The following RRM2 variants were observed in gnomAD, a reference collection of about 807,000 sequenced individuals.
RRM2 encodes the protein ribonucleoside-diphosphate reductase subunit M2.
RRM2 carries 6 observed loss-of-function variants against 45.9 expected under a neutral mutation model. The observed-to-expected ratio is 0.13, with a 90% confidence interval of 0.07 to 0.26. The LOEUF (loss-of-function observed/expected upper bound fraction) is 0.26, where lower values mean the gene tolerates loss of function less well. Among genes scored for constraint, RRM2 ranks in the 10% least tolerant of loss-of-function variants. RRM2 has a pLI of 1.00. For missense variants in RRM2, 343 were observed against 489.5 expected (o/e 0.70, Z 2.82); for synonymous variants, 177 against 173.0 (o/e 1.02, Z -0.18).
downstream of RRM2, among the ~76,000 whole-genome samples, chr2:10,134,256 C>T (rs1489294954): frequency 6.6e-6 from 1 of 151,678 alleles, no homozygotes; most frequent in African/African-American, 2.4e-5. Context: ...AGAAAGTGAC[C>T]ATGGAGGCCC....
At chr2:10,167,479 T>C (rs974704515) in intron 3 of RRM2, among the ~76,000 whole-genome samples, 1 of 152,106 alleles carries the variant, frequency 6.6e-6, no homozygotes, top group Non-Finnish European at 1.5e-5. Context: ...GCGTAGGATG[T>C]GGTAGCTGGT....
At chr2:10,147,618 C>T (rs1015199282) in intron 3 of RRM2, among the ~76,000 whole-genome samples, 2 of 152,222 alleles carry the variant, frequency 1.3e-5, no homozygotes, top group Admixed American at 6.5e-5. Context: ...CTTGGCCTTC[C>T]AAAATGTTGA....
At chr2:10,152,674 A>C (rs1663338687) in intron 3 of RRM2, among the ~76,000 whole-genome samples, 2 of 151,432 alleles carry the variant, frequency 1.3e-5, no homozygotes, top group Non-Finnish European at 2.9e-5. Context: ...GTAGATATGC[A>C]GTTTCACCAT....
intron 3 of RRM2, among the ~76,000 whole-genome samples, chr2:10,146,650 G>A (rs1348246927): frequency 1.1e-5 from 1 of 90,346 alleles, no homozygotes; most frequent in Non-Finnish European, 2.5e-5. Flanking sequence ...GGCCATGCTT[G>A]GAGGGCGCAG....
rs1179508615 is a variant in RRM2, at chr2:10,124,958, A to G, written c.569+108A>G. 7 of 1,019,872 alleles carry G rather than the reference A, an allele frequency of 6.9e-6. No individual in the cohort carries two copies. The African/African-American group carries it at 1.1e-4, about 16-fold the overall frequency. The allele number at this position is 1,019,872 out of a possible 1,614,324, so 63.2% of individuals were successfully genotyped here. A position where few individuals can be genotyped will look rare whatever the true frequency, so the allele number is the denominator to read the frequency against. On this transcript the variant is annotated intron_variant, in intron 5 of 9. Transcript: ENST00000304567. ...AAAATGACTCCAGAATGACTAAGACAGTCATAGGCATTCCCAGCACCCGTG... is the reference window on the plus strand; with the variant it reads ...AAAATGACTCCAGAATGACTAAGACGGTCATAGGCATTCCCAGCACCCGTG...
chr2:10,177,198 A>G (rs1319402135), intron 3 of RRM2, among the ~76,000 whole-genome samples: 1 of 152,162 alleles, frequency 6.6e-6, no homozygotes, highest in Non-Finnish European at 1.5e-5. Context: ...GTGAACCAAG[A>G]TCGCACCATT....
At position 10,204,174 on chromosome 2, in the gene RRM2, T is replaced by C. The variant is rs1438643672; in HGVS notation, n.483-6137T>C. Among the ~76,000 whole-genome samples, 1 of 151,986 alleles carries C rather than the reference T, an allele frequency of 6.6e-6. No homozygotes were observed. The highest frequency in any genetic ancestry group is 1.5e-5 in the Non-Finnish European group (1 of 68,014). The stretch of plus-strand genomic sequence containing the variant: ...CCCTGTGCTTGAGACAAGCAGAAGA[T>C]AGACTTCTTTCACCTGGGGCCTGGC... On this transcript the variant is annotated intron_variant and non_coding_transcript_variant, in intron 3 of 3. Coordinates refer to the RRM2 transcript ENST00000381786. The surrounding 1 kb of genome is among the most constrained non-coding windows in gnomAD (Gnocchi z 4.0).
At chr2:10,208,958 G>C (rs1267729090) in intron 3 of RRM2, among the ~76,000 whole-genome samples, 1 of 151,744 alleles carries the variant, frequency 6.6e-6, no homozygotes. Flanking sequence ...GCTGGATCCT[G>C]CCTGTTCAGA....
chr2:10,157,022 T>TTTC lies in RRM2; in HGVS notation n.482+14649_482+14650insCTT, dbSNP rs1357095439. On this transcript the variant is annotated intron_variant and non_coding_transcript_variant, in intron 3 of 3. Coordinates refer to the RRM2 transcript ENST00000381786. ...TTCTGAGCTCAGCCCATTTCTTTTT[T>TTTC]TTTTTTTTTTTTTTTTTGAGATGGA... 1.3e-4 allele frequency among the ~76,000 whole-genome samples: 17 copies of TTTC among 135,140 alleles called. 1 individual carries two copies. Among genetic ancestry groups the TTTC allele is most frequent in the South Asian group, 2.5e-4 (1 of 3,966 alleles). 88.7% of individuals were successfully genotyped at this position (135,140 alleles called of 152,430 possible). A position where few individuals can be genotyped will look rare whatever the true frequency, so the allele number is the denominator to read the frequency against.
intron 3 of RRM2, among the ~76,000 whole-genome samples, chr2:10,175,753 C>G (rs1047918354): frequency 1.4e-5 from 2 of 140,242 alleles, no homozygotes; most frequent in Admixed American, 7.4e-5. Flanking sequence ...CACACCACCA[C>G]GCTCAGCTAA....
rs1662721413 is a variant in RRM2 at position 10,123,762 on chromosome 2, C to T, written c.345C>T (p.His115=). The part of the protein sequence containing the change: ...EEVDLSKDIQ[H]WESLKPEERY... ...TGGACCTCTCCAAGGACATTCAGCA[C>T]TGGGAATCCCTGAAACCCGAGGAGA... Residue 115 remains histidine (H), a synonymous_variant, in exon 4 of 10, where the codon CAC becomes CAT. Transcript: ENST00000304567. 5 of 1,610,762 alleles carry T rather than the reference C, an allele frequency of 3.1e-6. No individual in the cohort carries two copies. Among genetic ancestry groups the T allele is most frequent in the Non-Finnish European group, 4.2e-6 (5 of 1,176,904 alleles).
At chr2:10,158,921 G>A (rs1365529342) in intron 3 of RRM2, among the ~76,000 whole-genome samples, 1 of 152,176 alleles carries the variant, frequency 6.6e-6, no homozygotes, top group Non-Finnish European at 1.5e-5. Context: ...AGGCCTAGGA[G>A]AGCTCGTCCC....
intron 3 of RRM2, among the ~76,000 whole-genome samples, chr2:10,146,854 T>G (rs972018943): frequency 1.3e-4 from 20 of 152,262 alleles, no homozygotes; most frequent in African/African-American, 4.6e-4. Flanking sequence ...GCGTGTTCAT[T>G]TCTAATCCAT....
At chr2:10,210,615 T>C (rs779527723) in exon 4 of RRM2, 2 of 1,360,078 alleles carry the variant, frequency 1.5e-6, no homozygotes, top group Non-Finnish European at 2.0e-6. Flanking sequence ...ATCTGCTGCT[T>C]TCAATCACAC....
chr2:10,206,947 G>A (rs1194695129), intron 3 of RRM2, among the ~76,000 whole-genome samples: 2 of 152,174 alleles, frequency 1.3e-5, no homozygotes, highest in East Asian at 3.8e-4. Context: ...GCTGAGAGCA[G>A]CTATTGCAAA....
chr2:10,200,551 G>C lies in RRM2; in HGVS notation n.483-9760G>C, dbSNP rs1473455356. 1.1e-3 allele frequency among the ~76,000 whole-genome samples: 12 copies of C among 10,510 alleles called. 1 individual carries two copies. Among genetic ancestry groups the C allele is most frequent in the Admixed American group, 2.5e-3 (2 of 800 alleles). The allele number at this position is 10,510 out of a possible 152,430, so 6.9% of individuals were successfully genotyped here. On this transcript the variant is annotated intron_variant and non_coding_transcript_variant, in intron 3 of 3. Coordinates refer to the RRM2 transcript ENST00000381786. ...GCGCACAAATTATGAGTCCCACAGG[G>C]ACCGCGCGCGCAAAATATGAGGCCC...
chr2:10,176,825 C>T (rs1443831153), intron 3 of RRM2, among the ~76,000 whole-genome samples: 1 of 152,188 alleles, frequency 6.6e-6, no homozygotes, highest in African/African-American at 2.4e-5. Context: ...GTCTTGTACA[C>T]ATTTTCTGGT....
intron 3 of RRM2, among the ~76,000 whole-genome samples, chr2:10,160,735 G>T (rs1347527527): frequency 1.3e-5 from 2 of 152,186 alleles, no homozygotes; most frequent in Non-Finnish European, 2.9e-5. Flanking sequence ...CACATCTCAG[G>T]CCAAACCCCT....
At chr2:10,126,737 G>A (rs1020539683) in intron 5 of RRM2, 138 bp from the exon 6 acceptor site, 7 of 679,906 alleles carry the variant, frequency 1.0e-5, no homozygotes, top group South Asian at 3.7e-5. Flanking sequence ...AAAACATTTC[G>A]GTGTGAGTTC....
Sources: gnomAD v4.1 joint callset for allele counts (sites outside exome capture counted in the v4.1 genomes callset) on GRCh38, gnomAD v4.1.1 for gene constraint, Gnocchi (gnomAD v3.1) non-coding constraint, MANE v1.5 for transcripts, NCBI Gene and HGNC (gene_info 2026-07-23, HGNC 2026-07-21) for gene names.